The following KCNH1 variants were observed in gnomAD, a reference collection of about 807,000 sequenced individuals.
KCNH1 encodes voltage-gated delayed rectifier potassium channel KCNH1.
Under a neutral mutation model 69.2 loss-of-function variants are expected in KCNH1, and 27 were observed. That is an observed-to-expected ratio of 0.39 (90% confidence interval 0.29 to 0.54). The LOEUF (loss-of-function observed/expected upper bound fraction) is 0.54, where lower values mean the gene tolerates loss of function less well. Among genes scored for constraint, KCNH1 ranks in the 20% least tolerant of loss-of-function variants. The probability of loss-of-function intolerance (pLI) is 0.68; values close to 1 mark genes in which losing one functional copy is unlikely to be tolerated. For synonymous variants in KCNH1, 456 were observed against 487.7 expected (o/e 0.93, Z 0.86); for missense variants, 798 against 1,261.6 (o/e 0.63, Z 5.57).
rs368605053 is a variant in KCNH1 at position 210,683,745 on chromosome 1, T to C, written c.2506A>G (p.Ser836Gly). 12 of 1,614,132 alleles carry C rather than the reference T, an allele frequency of 7.4e-6. No individual in the cohort carries two copies. Among genetic ancestry groups the C allele is most frequent in the Admixed American group, 6.7e-5 (4 of 60,034 alleles). Residue 836 changes from serine to glycine, a missense_variant, in exon 11 of 11, where the codon AGC (serine) becomes GGC (glycine). By Grantham distance (56) the Ser-to-Gly change is moderately conservative. Coordinates refer to ENST00000271751, the MANE Select transcript of KCNH1 (RefSeq NM_172362.3). The surrounding 1 kb of genome is among the most constrained non-coding windows in gnomAD (Gnocchi z 5.7). ...CAAGCATCTTTGAAGCGGGCCCAGC[T>C]TTTGCGCTTGGCACAATCGCCCCCG... ...GGGGDCAKRK[S>G]WARFKDACGK... is the part of the protein sequence containing the mutation.
chr1:210,822,388 T>G lies in KCNH1; in HGVS notation c.1463-18222A>C, dbSNP rs535665629. ...CTTATACCAGGCTAAGACACTTAGATTTGCCCATGAAACCATTTTCAGAGC... is the reference window on the plus strand; with the variant it reads ...CTTATACCAGGCTAAGACACTTAGAGTTGCCCATGAAACCATTTTCAGAGC... On this transcript the variant is annotated intron_variant, in intron 7 of 10. Coordinates refer to ENST00000271751, the MANE Select transcript of KCNH1 (RefSeq NM_172362.3). Among the ~76,000 whole-genome samples, 10 of 152,150 alleles carry G rather than the reference T, an allele frequency of 6.6e-5. No individual in the cohort carries two copies. The South Asian group carries it at 2.1e-3, about 32-fold the overall frequency.
At chr1:211,023,716 A>G (rs1464848022) in intron 5 of KCNH1, among the ~76,000 whole-genome samples, 1 of 152,078 alleles carries the variant, frequency 6.6e-6, no homozygotes, top group Non-Finnish European at 1.5e-5. Context: ...CAGCTAGAGT[A>G]AAAAAACAGG....
intron 7 of KCNH1, among the ~76,000 whole-genome samples, chr1:210,880,237 G>C (rs1469354463): frequency 1.3e-5 from 2 of 152,080 alleles, no homozygotes; most frequent in Non-Finnish European, 2.9e-5. Flanking sequence ...TCAACAAGCT[G>C]ATTCTAAAGT....
chr1:211,008,522 GT>G (rs1689328135), intron 6 of KCNH1, among the ~76,000 whole-genome samples: 1 of 152,236 alleles, frequency 6.6e-6, no homozygotes, highest in East Asian at 1.9e-4. Context: ...ACTCAATATG[GT>G]TGAGGCTTAC....
At chr1:211,124,339 A>C (rs1558614796) in intron 1 of KCNH1, among the ~76,000 whole-genome samples, 1 of 152,152 alleles carries the variant, frequency 6.6e-6, no homozygotes, top group African/African-American at 2.4e-5. Flanking sequence ...CACCCCCATG[A>C]CTGAATGGTC....
chr1:210,885,170 C>T (rs1272734452), intron 7 of KCNH1, among the ~76,000 whole-genome samples: 5 of 152,226 alleles, frequency 3.3e-5, no homozygotes, highest in Admixed American at 6.5e-5. Flanking sequence ...GCAAGATCAA[C>T]GCAGAAGGCG....
chr1:210,978,817 C>T (rs567678349), intron 6 of KCNH1, among the ~76,000 whole-genome samples: 2 of 152,340 alleles, frequency 1.3e-5, no homozygotes, highest in South Asian at 2.1e-4. Context: ...GGCTTTCATC[C>T]TCTACCAGTG....
At chr1:210,957,824 G>A (rs571211526) in intron 6 of KCNH1, among the ~76,000 whole-genome samples, 5 of 152,038 alleles carry the variant, frequency 3.3e-5, no homozygotes, top group African/African-American at 9.7e-5. Flanking sequence ...CATGAGATGG[G>A]TCTCCTGAAT....
At chr1:210,912,396 T>A (rs907834358) in intron 7 of KCNH1, among the ~76,000 whole-genome samples, 1 of 134,920 alleles carries the variant, frequency 7.4e-6, no homozygotes, top group South Asian at 2.6e-4. Flanking sequence ...TCAGGCCAAC[T>A]TTTTTTTTCT....
At chr1:210,808,577 A>C (rs1684634767) in intron 7 of KCNH1, among the ~76,000 whole-genome samples, 1 of 151,986 alleles carries the variant, frequency 6.6e-6, no homozygotes, top group African/African-American at 2.4e-5. Flanking sequence ...TTTTAATAAA[A>C]TAGCGACATG....
chr1:210,866,408 C>A (rs980133611), intron 7 of KCNH1, among the ~76,000 whole-genome samples: 22 of 151,984 alleles, frequency 1.4e-4, no homozygotes, highest in Non-Finnish European at 4.4e-5. Context: ...ACAAAAAACT[C>A]ATAACTCAAT....
intron 7 of KCNH1, among the ~76,000 whole-genome samples, chr1:210,900,315 A>G (rs1686967979): frequency 6.6e-6 from 1 of 152,256 alleles, no homozygotes; most frequent in African/African-American, 2.4e-5. Context: ...CTCCTATCAG[A>G]ACTTGAGCTG....
chr1:210,912,216 T>C (rs1687246167), intron 7 of KCNH1, among the ~76,000 whole-genome samples: 1 of 152,190 alleles, frequency 6.6e-6, no homozygotes, highest in Non-Finnish European at 1.5e-5. Flanking sequence ...GGCATGACTA[T>C]TTGTAGTCTT....
intron 7 of KCNH1, among the ~76,000 whole-genome samples, chr1:210,874,157 T>C (rs1686314394): frequency 6.6e-6 from 1 of 152,218 alleles, no homozygotes. Flanking sequence ...TGCTGGGCAC[T>C]GTAGCAGCTG....
chr1:210,723,291 A>G (rs994022739), intron 10 of KCNH1, among the ~76,000 whole-genome samples: 8 of 152,092 alleles, frequency 5.3e-5, no homozygotes, highest in African/African-American at 9.7e-5. Context: ...TCCTTTAGCC[A>G]TGAGAAAAAA....
chr1:211,023,155 TAAA>T (rs1195848294), intron 5 of KCNH1, among the ~76,000 whole-genome samples: 5 of 100,374 alleles, frequency 5.0e-5, no homozygotes, highest in Non-Finnish European at 8.3e-5. Flanking sequence ...AATAAATAAA[TAAA>T]TAAATTAAAA....
intron 5 of KCNH1, among the ~76,000 whole-genome samples, chr1:211,060,585 T>TA (rs535311081): frequency 2.7e-5 from 4 of 148,650 alleles, no homozygotes; most frequent in African/African-American, 9.9e-5. Flanking sequence ...AACTTTAGAC[T>TA]AAAAAAAAAG....
intron 10 of KCNH1, among the ~76,000 whole-genome samples, chr1:210,761,480 T>C (rs1203168052): frequency 1.3e-5 from 2 of 151,992 alleles, no homozygotes; most frequent in African/African-American, 2.4e-5. Flanking sequence ...ACTCATCCTT[T>C]TGCTATCTTC....
rs1253423833 is a variant in KCNH1 at position 210,998,365 on chromosome 1, G to C, written c.1032+20418C>G. ...AAAAAAGGCAGGGGTTGCAATCCTA[G>C]TCTCTGATAAAACAAACTTTAAAGC... is the stretch of plus-strand genomic sequence containing the variant. On this transcript the variant is annotated intron_variant, in intron 6 of 10. Transcript: ENST00000271751. Among the ~76,000 whole-genome samples the C allele has an allele frequency of 2.0e-5, 3 of 152,158 alleles. No individual in the cohort carries two copies. The East Asian group carries it at 5.8e-4, about 29-fold the overall frequency.
Sources: gnomAD v4.1 joint callset for allele counts (sites outside exome capture counted in the v4.1 genomes callset) on GRCh38, gnomAD v4.1.1 for gene constraint, Gnocchi (gnomAD v3.1) non-coding constraint, MANE v1.5 for transcripts, NCBI Gene and HGNC (gene_info 2026-07-23, HGNC 2026-07-21) for gene names.